The following LHFPL6 variants were observed in gnomAD, a reference collection of about 807,000 sequenced individuals.
LHFPL6 encodes the protein LHFPL tetraspan subfamily member 6 protein.
Under a neutral mutation model 20.6 loss-of-function variants are expected in LHFPL6, and 9 were observed. The observed-to-expected ratio is 0.44, with a 90% CI of 0.26 to 0.76. LHFPL6 has a LOEUF of 0.76. LHFPL6 is among the 30% of genes least tolerant of loss of function. The probability of loss-of-function intolerance (pLI) is 0.20; values close to 1 mark genes in which losing one functional copy is unlikely to be tolerated. For synonymous variants in LHFPL6, 105 were observed against 98.7 expected, an observed-to-expected ratio of 1.06 and a Z score of -0.38; for missense variants, 218 against 253.5, an observed-to-expected ratio of 0.86 and a Z score of 0.95.
rs771969307 is a variant in LHFPL6, at chr13:39,601,157, A to G, written c.60T>C (p.Ala20=). ...VIWALLSFLC[A]ATSCVGFFMP... ...TAAAGAACCCCACGCAGGAGGTGGC[A>G]GCACAAAGAAAAGACAGCAAAGCCC... The change falls in exon 2 of 4, where the codon GCT becomes GCC. Residue 20 remains alanine, a synonymous_variant. Coordinates refer to ENST00000379589, the MANE Select transcript of LHFPL6 (RefSeq NM_005780.3). 1.2e-6 allele frequency: 2 copies of G among 1,614,014 alleles called. No homozygotes were observed. The highest frequency in any genetic ancestry group is 1.7e-6 in the Non-Finnish European group (2 of 1,180,036).
At chr13:39,489,440 T>C (rs909484578) in intron 2 of LHFPL6, among the ~76,000 whole-genome samples, 2 of 152,250 alleles carry the variant, frequency 1.3e-5, no homozygotes, top group East Asian at 3.9e-4. Flanking sequence ...CTTGATCATC[T>C]CTCAGCTCCT....
chr13:39,573,704 C>T (rs1247572464), intron 2 of LHFPL6, among the ~76,000 whole-genome samples: 3 of 151,064 alleles, frequency 2.0e-5, no homozygotes, highest in African/African-American at 7.3e-5. Flanking sequence ...AATCTTGCAT[C>T]TAGGAAAAAT....
At chr13:39,401,118 A>G (rs1392037637) in intron 2 of LHFPL6, among the ~76,000 whole-genome samples, 1 of 152,220 alleles carries the variant, frequency 6.6e-6, no homozygotes, top group Non-Finnish European at 1.5e-5. Context: ...AAATATCCAT[A>G]GTAGACACAC....
chr13:39,408,291 G>C (rs1871165306), intron 2 of LHFPL6, among the ~76,000 whole-genome samples: 2 of 152,156 alleles, frequency 1.3e-5, no homozygotes, highest in Admixed American at 6.5e-5. Context: ...AAACTTAACT[G>C]CCCTAATGCA....
Position 39,392,321 on chromosome 13 carries a change from G to A in LHFPL6, c.386-13795C>T, listed in dbSNP as rs151017361. 1.1e-3 allele frequency among the ~76,000 whole-genome samples: 164 copies of A among 152,298 alleles called. 1 individual carries two copies. The highest frequency in any genetic ancestry group is 3.5e-3 in the African/African-American group (147 of 41,568). On this transcript the variant is annotated intron_variant, in intron 2 of 3. Transcript: ENST00000379589. ...CCAAAATCGGTAAAAGTGGCCGGGC[G>A]CGGTGGCTCATGCCTGCAATCCCAG... is the stretch of plus-strand genomic sequence containing the variant.
At chr13:39,353,983 T>A (rs1041923221) in intron 3 of LHFPL6, among the ~76,000 whole-genome samples, 5 of 152,154 alleles carry the variant, frequency 3.3e-5, no homozygotes, top group Admixed American at 1.3e-4. Context: ...ATCCCATGCA[T>A]TGAGTCTATT....
intron 2 of LHFPL6, among the ~76,000 whole-genome samples, chr13:39,429,933 C>T (rs1489225253): frequency 6.6e-6 from 1 of 152,178 alleles, no homozygotes; most frequent in Non-Finnish European, 1.5e-5. Context: ...GCTTGTAGGG[C>T]ACCATACCCT....
chr13:39,399,534 A>T lies in LHFPL6; in HGVS notation c.386-21008T>A, dbSNP rs576899858. Among the ~76,000 whole-genome samples the T allele has an allele frequency of 3.3e-5, 5 of 152,318 alleles. No homozygotes were observed. The South Asian group carries it at 1.0e-3, about 32-fold the overall frequency. On this transcript the variant is annotated intron_variant, in intron 2 of 3. Transcript: ENST00000379589. ...CTTATGTAGGTGTATCTTAATTGGAAATTTAGGATAGCAGAATTGGCAAAT... is the reference window on the plus strand; with the variant it reads ...CTTATGTAGGTGTATCTTAATTGGATATTTAGGATAGCAGAATTGGCAAAT...
chr13:39,417,012 T>C (rs1456881125), intron 2 of LHFPL6, among the ~76,000 whole-genome samples: 1 of 152,240 alleles, frequency 6.6e-6, no homozygotes, highest in African/African-American at 2.4e-5. Flanking sequence ...AGCCTGCCGA[T>C]ACATTTAGGT....
Position 39,463,052 on chromosome 13 carries a change from C to T in LHFPL6, c.386-84526G>A, listed in dbSNP as rs74680485. ...GAGGGAACCGCATGGCTGTAGTCTT[C>T]CTCTACCTCACCCATAAGGCGATCT... On this transcript the variant is annotated intron_variant, in intron 2 of 3. Coordinates refer to ENST00000379589, the MANE Select transcript of LHFPL6 (RefSeq NM_005780.3). 1.5e-4 allele frequency among the ~76,000 whole-genome samples: 23 copies of T among 152,294 alleles called. No homozygotes were observed. In the East Asian group the frequency reaches 3.5e-3, roughly 23 times the overall value.
At chr13:39,481,621 A>G (rs1566121447) in intron 2 of LHFPL6, among the ~76,000 whole-genome samples, 1 of 152,164 alleles carries the variant, frequency 6.6e-6, no homozygotes, top group African/African-American at 2.4e-5. Context: ...TTTAAATAAC[A>G]GCAAAGACAA....
At chr13:39,442,076 G>A (rs1872154027) in intron 2 of LHFPL6, among the ~76,000 whole-genome samples, 1 of 151,872 alleles carries the variant, frequency 6.6e-6, no homozygotes. Flanking sequence ...TGATCCACCT[G>A]CCTCAGCCTC....
intron 2 of LHFPL6, among the ~76,000 whole-genome samples, chr13:39,458,158 A>G (rs1422869451): frequency 6.6e-6 from 1 of 152,176 alleles, no homozygotes; most frequent in Non-Finnish European, 1.5e-5. Flanking sequence ...TAAACCTTGA[A>G]GAAGGCGAGA....
intron 2 of LHFPL6, among the ~76,000 whole-genome samples, chr13:39,524,224 T>G (rs1287677353): frequency 6.6e-6 from 1 of 152,062 alleles, no homozygotes; most frequent in Non-Finnish European, 1.5e-5. Context: ...AAAAAGCCAG[T>G]CTATACTCAT....
intron 2 of LHFPL6, among the ~76,000 whole-genome samples, chr13:39,537,911 A>T (rs1870670794): frequency 6.6e-6 from 1 of 152,136 alleles, no homozygotes; most frequent in Non-Finnish European, 1.5e-5. Context: ...GGGAGCAAGA[A>T]ATCAACGTCA....
At chr13:39,369,455 C>T (rs542235676) in intron 3 of LHFPL6, among the ~76,000 whole-genome samples, 32 of 152,018 alleles carry the variant, frequency 2.1e-4, no homozygotes, top group Admixed American at 2.6e-4. Flanking sequence ...GGTGGTTAGG[C>T]CATTAGTCCC....
chr13:39,501,431 C>T (rs570492117), intron 2 of LHFPL6, among the ~76,000 whole-genome samples: 72 of 152,192 alleles, frequency 4.7e-4, no homozygotes, highest in African/African-American at 1.4e-3. Context: ...TTCTGCCTCC[C>T]GAATTCAATT....
At chr13:39,460,066 A>G (rs2324310) in intron 2 of LHFPL6, among the ~76,000 whole-genome samples, 83,127 of 151,316 alleles carry the variant, frequency 0.55, 23,973 homozygotes, top group East Asian at 0.9. Context: ...TACAAAATTT[A>G]ATTAATGCCT....
chr13:39,418,331 G>A (rs986148482), intron 2 of LHFPL6, among the ~76,000 whole-genome samples: 4 of 149,574 alleles, frequency 2.7e-5, no homozygotes, highest in African/African-American at 9.9e-5. Context: ...CTAGAAGTAT[G>A]CTCTGATTCC....
Sources: gnomAD v4.1 joint callset for allele counts (sites outside exome capture counted in the v4.1 genomes callset) on GRCh38, gnomAD v4.1.1 for gene constraint, MANE v1.5 for transcripts, NCBI Gene and HGNC (gene_info 2026-07-23, HGNC 2026-07-21) for gene names.